Variants in PKD1L1 observed in about 807,000 individuals in gnomAD.
PKD1L1 encodes polycystin-1-like protein 1.
In PKD1L1, 236 loss-of-function variants were observed where a neutral mutation model predicts 323.4. That is an observed-to-expected ratio of 0.73 (90% confidence interval 0.66 to 0.81). The LOEUF (loss-of-function observed/expected upper bound fraction) is 0.81, where lower values mean the gene tolerates loss of function less well. PKD1L1 is among the 40% of genes least tolerant of loss of function. The pLI is 0.00. For missense variants in PKD1L1, 3,320 were observed against 3,508.0 expected (o/e 0.95, Z 1.35); for synonymous variants, 1,344 against 1,335.0 (o/e 1.01, Z -0.15).
At chr7:47,955,913 T>C in the PKD1L1 span, among the ~76,000 whole-genome samples, 4 of 152,222 alleles carry the variant, frequency 2.6e-5, no homozygotes, top group African/African-American at 4.8e-5. Flanking sequence ...GATTCAACAA[T>C]TGTACTTAGA....
chr7:47,892,423 G>A (rs1330593139), intron 15 of PKD1L1, among the ~76,000 whole-genome samples: 1 of 152,198 alleles, frequency 6.6e-6, no homozygotes, highest in African/African-American at 2.4e-5. Flanking sequence ...AATGGGTTGG[G>A]AGAGGTCACA....
chr7:47,805,694 C>T (rs897798509), intron 52 of PKD1L1, among the ~76,000 whole-genome samples: 9 of 152,186 alleles, frequency 5.9e-5, no homozygotes, highest in African/African-American at 1.9e-4. Context: ...CTTGGAGGGC[C>T]GTTCCATTGC....
intron 52 of PKD1L1, among the ~76,000 whole-genome samples, chr7:47,807,717 T>C (rs1024267412): frequency 6.6e-6 from 1 of 152,126 alleles, no homozygotes; most frequent in Admixed American, 6.5e-5. Flanking sequence ...CTGGTCCTCC[T>C]GGTAGGAGCC....
At position 47,827,462 on chromosome 7, in the gene PKD1L1, C is replaced by A; in HGVS notation, c.6742G>T (p.Ala2248Ser). The change falls in exon 45 of 57, where the codon GCT (alanine) becomes TCT (serine). Residue 2248 changes from alanine to serine, a missense_variant. Coordinates refer to ENST00000289672, the MANE Select transcript of PKD1L1 (RefSeq NM_138295.5). Reference sequence around the variant, plus strand: ...AGGTGGCGAGCTTGTTGTCGGGCAGCCAAGACCTGTCAGGGACAAGAGTGC... The same window carrying A: ...AGGTGGCGAGCTTGTTGTCGGGCAGACAAGACCTGTCAGGGACAAGAGTGC... ...DCAGEVEKVL[A>S]ARQQARHLRW... 6.2e-7 allele frequency: 1 copy of A among 1,607,268 alleles called. No individual in the cohort carries two copies. Among genetic ancestry groups the A allele is most frequent in the South Asian group, 1.1e-5 (1 of 90,244 alleles).
At chr7:47,889,268 T>C (rs1038240206) in intron 16 of PKD1L1, among the ~76,000 whole-genome samples, 3 of 152,190 alleles carry the variant, frequency 2.0e-5, no homozygotes, top group African/African-American at 4.8e-5. Flanking sequence ...TTGGCACATA[T>C]TGAAAGACTA....
chr7:47,955,219 A>T, the PKD1L1 span, among the ~76,000 whole-genome samples: 36 of 152,386 alleles, frequency 2.4e-4, no homozygotes, highest in African/African-American at 7.2e-4. Context: ...AACCTGGCAT[A>T]ACATCAAAAT....
In PKD1L1 at chr7:47,931,134, G is replaced by A. The variant is rs201497400; in HGVS notation, c.707C>T (p.Pro236Leu). 206 of 1,613,940 alleles carry A rather than the reference G, an allele frequency of 1.3e-4. No homozygotes were observed. The highest frequency in any genetic ancestry group is 1.1e-4 in the East Asian group (5 of 44,888). ...GGGAGAAGTGGGAAAATGTGAAATC[G>A]GCCACAGGGGCACTCGCTGGGAGCT... ...QTSSQRVPLW[P>L]ISHFPTSPRS... Residue 236 changes from proline to leucine, a missense_variant, in exon 6 of 57, where the codon CCG becomes CTG. By Grantham distance (98) the Pro-to-Leu change is moderately conservative (BLOSUM62 -3). Transcript: ENST00000289672.
intron 7 of PKD1L1, among the ~76,000 whole-genome samples, chr7:47,925,867 A>G (rs753964587): frequency 8.5e-5 from 13 of 152,148 alleles, no homozygotes; most frequent in Non-Finnish European, 1.9e-4. Flanking sequence ...CTATATACCA[A>G]TGACAACCAG....
chr7:47,821,263 T>C (rs1562946491), intron 45 of PKD1L1, 77 bp from the exon 46 acceptor site: 1 of 737,368 alleles, frequency 1.4e-6, no homozygotes, highest in African/African-American at 1.8e-5. Flanking sequence ...TTGCAAAAGA[T>C]TTATTATTAT....
At chr7:47,838,509 C>G (rs760223950) in intron 36 of PKD1L1, among the ~76,000 whole-genome samples, 1 of 151,448 alleles carries the variant, frequency 6.6e-6, no homozygotes, top group Non-Finnish European at 1.5e-5. Context: ...TGGTCATGCA[C>G]AGTGGGCCAC....
chr7:47,843,809 A>G (rs1785610698), intron 33 of PKD1L1, among the ~76,000 whole-genome samples: 1 of 152,084 alleles, frequency 6.6e-6, no homozygotes, highest in Non-Finnish European at 1.5e-5. Flanking sequence ...CAGATTTGTG[A>G]TGGGATCTCA....
intron 37 of PKD1L1, among the ~76,000 whole-genome samples, 168 bp downstream of exon 37, chr7:47,836,753 C>T (rs573359233): frequency 1.4e-4 from 21 of 152,334 alleles, no homozygotes; most frequent in African/African-American, 5.1e-4. Context: ...CAGTGCCACA[C>T]CGGGCAGAGC....
In PKD1L1 at chr7:47,908,267, G is replaced by A. The variant is rs1010919254; in HGVS notation, c.1229-17C>T. 6.2e-7 allele frequency: 1 copy of A among 1,600,628 alleles called. No homozygotes were observed. The highest frequency in any genetic ancestry group is 8.5e-7 in the Non-Finnish European group (1 of 1,170,008). ...AGACTCCTTCTGGAAAAATAAGAAT[G>A]AACGGACACTTGATGAATTTTTAAT... On this transcript the variant is annotated splice_polypyrimidine_tract_variant and intron_variant, in intron 8 of 56. Transcript: ENST00000289672.
chr7:47,889,191 C>A (rs554791204), intron 16 of PKD1L1, among the ~76,000 whole-genome samples: 1 of 152,220 alleles, frequency 6.6e-6, no homozygotes, highest in African/African-American at 2.4e-5. Context: ...CCCCAGACCT[C>A]CTGGGGACAT....
chr7:47,935,272 C>A (rs889891467), intron 4 of PKD1L1, among the ~76,000 whole-genome samples: 1 of 152,182 alleles, frequency 6.6e-6, no homozygotes, highest in Non-Finnish European at 1.5e-5. Flanking sequence ...GTTTTCTTAA[C>A]TGGGGCTCCA....
intron 4 of PKD1L1, among the ~76,000 whole-genome samples, chr7:47,935,305 T>C (rs1283681264): frequency 2.0e-5 from 3 of 152,176 alleles, no homozygotes. Context: ...ATCTACCCAG[T>C]AGAATCCAAA....
intron 10 of PKD1L1, 56 bp from the exon 11 acceptor site, chr7:47,905,381 C>T: frequency 1.3e-6 from 2 of 1,555,682 alleles, no homozygotes; most frequent in Non-Finnish European, 1.8e-6. Flanking sequence ...CTGGAATCTC[C>T]AGAGAAACTA....
rs368100733 is a variant in PKD1L1, at chr7:47,873,998, G to A, written c.3797C>T (p.Thr1266Ile). 1 of 1,610,464 alleles carries A rather than the reference G, an allele frequency of 6.2e-7. No homozygotes were observed. The highest frequency in any genetic ancestry group is 1.3e-5 in the African/African-American group (1 of 74,864). The change falls in exon 24 of 57, where the codon ACT becomes ATT. Residue 1266 changes from threonine to isoleucine, a missense_variant. Physicochemically the swap from Thr to Ile is moderately conservative, Grantham distance 89. Transcript: ENST00000289672. ...GGAGCCTTTGCCATCTGTGATTTCA[G>A]TGGAAACCATGACTGTGAGGGAACA... is the stretch of plus-strand genomic sequence containing the variant. The part of the protein sequence containing the change: ...HLDNYKVMVS[T>I]EITDGKGSKV...
intron 45 of PKD1L1, among the ~76,000 whole-genome samples, chr7:47,823,504 G>A (rs1160301198): frequency 6.6e-6 from 1 of 152,008 alleles, no homozygotes; most frequent in Non-Finnish European, 1.5e-5. Flanking sequence ...TGCTTTCCAG[G>A]GTGATATCAA....
Sources: allele counts gnomAD v4.1 joint callset (sites outside exome capture counted in the v4.1 genomes callset), GRCh38; gene constraint gnomAD v4.1.1; transcripts MANE v1.5; gene names NCBI Gene and HGNC (gene_info 2026-07-23, HGNC 2026-07-21).